The following PARD6G variants were observed in gnomAD, a reference collection of about 807,000 sequenced individuals.
PARD6G encodes par-6 family cell polarity regulator gamma, also known as partitioning defective 6 homolog gamma.
PARD6G carries 7 observed loss-of-function variants against 10.7 expected under a neutral mutation model. That is an observed-to-expected ratio of 0.66 (90% CI 0.37 to 1.23). The LOEUF (loss-of-function observed/expected upper bound fraction) is 1.23, where lower values mean the gene tolerates loss of function less well. Among genes scored for constraint, PARD6G ranks in the 50% most tolerant of loss-of-function variants. PARD6G has a pLI of 0.02. For missense variants in PARD6G, 548 were observed against 571.8 expected, an observed-to-expected ratio of 0.96 and a Z score of 0.42; for synonymous variants, 287 against 269.4, an observed-to-expected ratio of 1.07 and a Z score of -0.64.
intron 2 of PARD6G, among the ~76,000 whole-genome samples, chr18:80,186,398 T>TGCTC (rs2052878694): frequency 1.1e-5 from 1 of 88,686 alleles, no homozygotes; most frequent in Non-Finnish European, 2.2e-5. Context: ...CCCTCACACA[T>TGCTC]GCATGCACCC....
chr18:80,181,871 C>T lies in PARD6G; in HGVS notation c.295+20839G>A, dbSNP rs1210980750. On this transcript the variant is annotated intron_variant, in intron 2 of 2. Coordinates refer to ENST00000353265, the MANE Select transcript of PARD6G (RefSeq NM_032510.4). This position sits in a 1 kb window ranked among gnomAD's most constrained non-coding sequence, Gnocchi z 7.9. ...GCCCAAGGCTGCCCGGTAGACCTGT[C>T]CCTGGGAGGGAAGCAGCCCAGCCCC... Among the ~76,000 whole-genome samples the T allele has an allele frequency of 6.6e-6, 1 of 152,156 alleles. No homozygotes were observed. The highest frequency in any genetic ancestry group is 1.5e-5 in the Non-Finnish European group (1 of 68,026).
At position 80,182,107 on chromosome 18, in the gene PARD6G, C is replaced by T. The variant is rs2052851522; in HGVS notation, c.295+20603G>A. ...CAGCAGAGTCTCACCCCAAGCTCCCCAGCTGCTCACCCACAGTGCTCTGGG... is the reference window on the plus strand; with the variant it reads ...CAGCAGAGTCTCACCCCAAGCTCCCTAGCTGCTCACCCACAGTGCTCTGGG... On this transcript the variant is annotated intron_variant, in intron 2 of 2. Transcript: ENST00000353265. The surrounding 1 kb of genome is among the most constrained non-coding windows in gnomAD (Gnocchi z 4.5). 6.6e-6 allele frequency among the ~76,000 whole-genome samples: 1 copy of T among 152,230 alleles called. No homozygotes were observed. The highest frequency in any genetic ancestry group is 1.5e-5 in the Non-Finnish European group (1 of 68,040).
chr18:80,246,531 G>A lies in PARD6G; in HGVS notation c.72+746C>T, dbSNP rs1395263456. Among the ~76,000 whole-genome samples, 2 of 150,842 alleles carry A rather than the reference G, an allele frequency of 1.3e-5. No homozygotes were observed. Among genetic ancestry groups the A allele is most frequent in the Non-Finnish European group, 1.5e-5 (1 of 67,526 alleles). On this transcript the variant is annotated intron_variant, in intron 1 of 2. Transcript: ENST00000353265. The surrounding 1 kb of genome is among the most constrained non-coding windows in gnomAD (Gnocchi z 6.7). ...TCTGATCCGGGGGCGCGCTCGGGAGGGGTCTGGGTCTGAGCCGGGGGCGCG... is the reference window on the plus strand; with the variant it reads ...TCTGATCCGGGGGCGCGCTCGGGAGAGGTCTGGGTCTGAGCCGGGGGCGCG...
intron 2 of PARD6G, among the ~76,000 whole-genome samples, chr18:80,191,296 T>G (rs1966894228): frequency 6.6e-6 from 1 of 152,192 alleles, no homozygotes; most frequent in African/African-American, 2.4e-5. Context: ...GCTGCCCAGA[T>G]GCGTGGCCAC....
intron 1 of PARD6G, among the ~76,000 whole-genome samples, chr18:80,241,686 G>C (rs932119751): frequency 1.1e-4 from 17 of 152,296 alleles, no homozygotes; most frequent in Non-Finnish European, 1.9e-4. Context: ...TTGGGAAGAG[G>C]CTGGGGCCTA....
chr18:80,200,808 C>A lies in PARD6G; in HGVS notation c.295+1902G>T, dbSNP rs1270300215. On this transcript the variant is annotated intron_variant, in intron 2 of 2. Coordinates refer to ENST00000353265, the MANE Select transcript of PARD6G (RefSeq NM_032510.4). The surrounding 1 kb of genome is among the most constrained non-coding windows in gnomAD (Gnocchi z 4.4). ...TTAGCACGTTCCCATGGGCAACACA[C>A]AAGCCCACTTTCTGGTCCCAGCCCA... 6.6e-6 allele frequency among the ~76,000 whole-genome samples: 1 copy of A among 152,236 alleles called. No individual in the cohort carries two copies. The highest frequency in any genetic ancestry group is 1.5e-5 in the Non-Finnish European group (1 of 68,054).
rs779000384 is a variant in PARD6G at position 80,247,120 on chromosome 18, C to T, written c.72+157G>A. ...GGGGCGGGAAGGACGGCCGGGGTCCCCAGTGCGCGTCCCGCGGAGCGGCGC... is the reference window on the plus strand; with the variant it reads ...GGGGCGGGAAGGACGGCCGGGGTCCTCAGTGCGCGTCCCGCGGAGCGGCGC... On this transcript the variant is annotated intron_variant, in intron 1 of 2. Coordinates refer to ENST00000353265, the MANE Select transcript of PARD6G (RefSeq NM_032510.4). The surrounding 1 kb of genome is among the most constrained non-coding windows in gnomAD (Gnocchi z 4.2). 3.7e-4 allele frequency among the ~76,000 whole-genome samples: 57 copies of T among 152,044 alleles called. No individual in the cohort carries two copies. Among genetic ancestry groups the T allele is most frequent in the Admixed American group, 1.2e-3 (18 of 15,276 alleles).
At position 80,180,316 on chromosome 18, in the gene PARD6G, G is replaced by C. The variant is rs1599852386; in HGVS notation, c.296-19710C>G. 6.6e-6 allele frequency among the ~76,000 whole-genome samples: 1 copy of C among 152,210 alleles called. No homozygotes were observed. Among genetic ancestry groups the C allele is most frequent in the Non-Finnish European group, 1.5e-5 (1 of 68,022 alleles). ...CTGTCAGGAGAGGCAGGCAGGGCGT[G>C]GGCAGCGACAGCTGGGGCCGGCAGG... On this transcript the variant is annotated intron_variant, in intron 2 of 2. Coordinates refer to ENST00000353265, the MANE Select transcript of PARD6G (RefSeq NM_032510.4). The surrounding 1 kb of genome is among the most constrained non-coding windows in gnomAD (Gnocchi z 5.6).
chr18:80,205,267 C>G (rs771308962), intron 1 of PARD6G, among the ~76,000 whole-genome samples: 1 of 152,230 alleles, frequency 6.6e-6, no homozygotes, highest in Admixed American at 6.5e-5. Flanking sequence ...CTTTCACACA[C>G]AGGGGCTCCA....
chr18:80,177,747 A>T (rs1241833863), intron 2 of PARD6G, among the ~76,000 whole-genome samples: 3 of 151,874 alleles, frequency 2.0e-5, no homozygotes, highest in South Asian at 2.1e-4. Flanking sequence ...TCACAGTCCA[A>T]ATGGGAAGCA....
rs920858160 is a variant in PARD6G, at chr18:80,239,747, C to T, written c.72+7530G>A. ...TTTCCCCTCAGCTACAGCACTAGTG[C>T]CACTTACCTTCACAGGATACAGAGG... On this transcript the variant is annotated intron_variant, in intron 1 of 2. Transcript: ENST00000353265. Among the ~76,000 whole-genome samples, 7 of 152,356 alleles carry T rather than the reference C, an allele frequency of 4.6e-5. 1 individual carries two copies. In the East Asian group the frequency reaches 1.3e-3, roughly 29 times the overall value.
chr18:80,224,522 C>G (rs1967266625), intron 1 of PARD6G, among the ~76,000 whole-genome samples: 1 of 152,092 alleles, frequency 6.6e-6, no homozygotes, highest in Non-Finnish European at 1.5e-5. Context: ...GTCTTCATGC[C>G]CTGAATTAAA....
intron 1 of PARD6G, among the ~76,000 whole-genome samples, chr18:80,221,510 A>C (rs1299016432): frequency 6.6e-6 from 1 of 152,220 alleles, no homozygotes; most frequent in South Asian, 2.1e-4. Flanking sequence ...ACACTCTTTT[A>C]TGATTAAAAA....
chr18:80,236,500 A>G (rs1967424490), intron 1 of PARD6G, among the ~76,000 whole-genome samples: 1 of 152,206 alleles, frequency 6.6e-6, no homozygotes, highest in African/African-American at 2.4e-5. Context: ...AGTTCTGGCC[A>G]GGACAATCAG....
chr18:80,166,012 A>G (rs1372816273), intron 2 of PARD6G, among the ~76,000 whole-genome samples: 3 of 152,110 alleles, frequency 2.0e-5, no homozygotes, highest in Non-Finnish European at 4.4e-5. Context: ...CAGACAGCGG[A>G]GGCTGCAGTG....
intron 1 of PARD6G, among the ~76,000 whole-genome samples, chr18:80,230,549 T>C (rs763191575): frequency 6.6e-6 from 1 of 152,132 alleles, no homozygotes. Flanking sequence ...GGTGCAGCCG[T>C]TGGCACTCGC....
intron 2 of PARD6G, among the ~76,000 whole-genome samples, chr18:80,199,623 G>T (rs943440018): frequency 1.3e-5 from 2 of 152,146 alleles, no homozygotes; most frequent in African/African-American, 2.4e-5. Context: ...TGGAGGAAGA[G>T]ATTATTTTAA....
chr18:80,222,400 T>C (rs1967241681), intron 1 of PARD6G, among the ~76,000 whole-genome samples: 1 of 152,266 alleles, frequency 6.6e-6, no homozygotes, highest in East Asian at 1.9e-4. Context: ...GAAGACTTAA[T>C]ATTGTTAAGA....
intron 1 of PARD6G, among the ~76,000 whole-genome samples, chr18:80,207,684 C>T (rs1275829192): frequency 6.6e-6 from 1 of 152,100 alleles, no homozygotes; most frequent in Admixed American, 6.6e-5. Context: ...CTGTTATGCA[C>T]CCACTCTCTA....
Sources: allele counts gnomAD v4.1 joint callset (sites outside exome capture counted in the v4.1 genomes callset), GRCh38; gene constraint gnomAD v4.1.1; non-coding constraint Gnocchi (gnomAD v3.1); transcripts MANE v1.5; gene names NCBI Gene and HGNC (gene_info 2026-07-23, HGNC 2026-07-21).